SYT16: variants seen among roughly 807,000 people sequenced by gnomAD.
The protein encoded by SYT16 is synaptotagmin-16.
Under a neutral mutation model 61.4 loss-of-function variants are expected in SYT16, and 42 were observed. The ratio of observed to expected loss-of-function variants is 0.68; its 90% CI spans 0.53 to 0.89. The LOEUF (loss-of-function observed/expected upper bound fraction) is 0.89, where lower values mean the gene tolerates loss of function less well. Among genes scored for constraint, SYT16 ranks in the 40% least tolerant of loss-of-function variants. The probability of loss-of-function intolerance (pLI) is 0.00; values close to 1 mark genes in which losing one functional copy is unlikely to be tolerated. For missense variants in SYT16, 804 were observed against 807.3 expected (o/e 1.00, Z 0.05); for synonymous variants, 314 against 302.3 (o/e 1.04, Z -0.40).
At chr14:62,034,841 G>C (rs540577636) in intron 3 of SYT16, among the ~76,000 whole-genome samples, 2 of 152,090 alleles carry the variant, frequency 1.3e-5, no homozygotes, top group African/African-American at 4.8e-5. Context: ...CTTAAAATTG[G>C]TGAATTGTTA....
chr14:61,968,190 G>A (rs544422930), intron 1 of SYT16, among the ~76,000 whole-genome samples: 1 of 152,320 alleles, frequency 6.6e-6, no homozygotes, highest in East Asian at 1.9e-4. Flanking sequence ...AAACTCAGGA[G>A]GCGGAGGTTG....
chr14:61,971,352 G>T (rs2051546931), intron 2 of SYT16, among the ~76,000 whole-genome samples: 1 of 111,170 alleles, frequency 9.0e-6, no homozygotes, highest in African/African-American at 2.6e-5. Context: ...TAAGGCTGCA[G>T]TTAGAATGTC....
chr14:61,930,206 C>T (rs1048888643), intron 1 of SYT16, among the ~76,000 whole-genome samples: 2 of 152,258 alleles, frequency 1.3e-5, no homozygotes, highest in Admixed American at 6.5e-5. Flanking sequence ...CTATCTCTCA[C>T]TTCATCCATG....
intron 3 of SYT16, among the ~76,000 whole-genome samples, chr14:62,051,255 T>C (rs1385606417): frequency 6.6e-6 from 1 of 152,240 alleles, no homozygotes; most frequent in Admixed American, 6.5e-5. Context: ...TGTGTCGGCT[T>C]AGGACCCTCC....
At chr14:62,044,771 G>T (rs966559647) in intron 3 of SYT16, among the ~76,000 whole-genome samples, 2 of 152,030 alleles carry the variant, frequency 1.3e-5, no homozygotes, top group Non-Finnish European at 2.9e-5. Flanking sequence ...TTGAGTAAGT[G>T]CTGATAAGCA....
At chr14:61,818,401 C>T (rs531269527) in intron 1 of SYT16, among the ~76,000 whole-genome samples, 3 of 152,252 alleles carry the variant, frequency 2.0e-5, no homozygotes, top group African/African-American at 7.2e-5. Flanking sequence ...TGACAGCAGC[C>T]AGGCGCGGTG....
intron 2 of SYT16, among the ~76,000 whole-genome samples, chr14:61,984,776 A>G (rs934901969): frequency 2.6e-5 from 4 of 152,186 alleles, no homozygotes; most frequent in African/African-American, 9.6e-5. Context: ...CTGTATAACT[A>G]TATATAATGC....
chr14:61,820,469 G>GTTTTTTTTT lies in SYT16; in HGVS notation c.-325+7681_-325+7689dup. Among the ~76,000 whole-genome samples, 37 of 61,090 alleles carry GTTTTTTTTT rather than the reference G, an allele frequency of 6.1e-4. 8 individuals carry two copies. The highest frequency in any genetic ancestry group is 2.0e-3 in the African/African-American group (29 of 14,434). The allele number at this position is 61,090 out of a possible 152,430, so 40.1% of individuals were successfully genotyped here. ...ATATGCTTCAGGGCACCTCTTCAGA[G>GTTTTTTTTT]TTTTTTTTTTTTTTTTTTTTTTTTT... On this transcript the variant is annotated intron_variant, in intron 1 of 7. Transcript: ENST00000683842.
At chr14:61,880,098 C>T (rs929907469) in intron 1 of SYT16, among the ~76,000 whole-genome samples, 8 of 152,186 alleles carry the variant, frequency 5.3e-5, no homozygotes, top group African/African-American at 1.4e-4. Context: ...TAGTTCCCAC[C>T]AAAAGCTGCT....
intron 1 of SYT16, among the ~76,000 whole-genome samples, chr14:61,891,614 C>T (rs775936824): frequency 6.6e-6 from 1 of 152,132 alleles, no homozygotes; most frequent in Non-Finnish European, 1.5e-5. Flanking sequence ...AGAAACAAGG[C>T]AGTTTGCATC....
chr14:62,079,364 G>T, intron 5 of SYT16: 1 of 1,218,898 alleles, frequency 8.2e-7, no homozygotes, highest in Non-Finnish European at 1.1e-6. Context: ...TAAAAGAAAA[G>T]GATATTTATT....
intron 2 of SYT16, among the ~76,000 whole-genome samples, chr14:61,983,747 C>T (rs1036118448): frequency 1.3e-5 from 2 of 152,074 alleles, no homozygotes; most frequent in African/African-American, 2.4e-5. Context: ...AGGCTGGTCT[C>T]GAATTCCTGG....
At chr14:62,096,201 C>T (rs145992194) in intron 7 of SYT16, among the ~76,000 whole-genome samples, 1 of 151,922 alleles carries the variant, frequency 6.6e-6, no homozygotes, top group African/African-American at 2.4e-5. Flanking sequence ...AAAGAAGACA[C>T]CAATAAACCT....
At position 62,107,385 on chromosome 14, in the gene SYT16, A is replaced by T. The variant is rs1467579314; in HGVS notation, c.*6678A>T. The T allele has an allele frequency of 6.6e-6, 1 of 152,210 alleles. No individual in the cohort carries two copies. The highest frequency in any genetic ancestry group is 2.4e-5 in the African/African-American group (1 of 41,428). The allele number at this position is 152,210 out of a possible 1,614,324, so 9.4% of individuals were successfully genotyped here. A position where few individuals can be genotyped will look rare whatever the true frequency, so the allele number is the denominator to read the frequency against. ...GAGGTCAAGGCTGCAGTGAGCCGGG[A>T]TCATGCCACTGCATTCAGCCTGGGT... On this transcript the variant is annotated 3_prime_UTR_variant, in exon 8 of 8. Coordinates refer to ENST00000683842, the MANE Select transcript of SYT16 (RefSeq NM_001367656.1).
At chr14:62,029,696 A>C (rs1263310480) in intron 3 of SYT16, among the ~76,000 whole-genome samples, 1 of 152,022 alleles carries the variant, frequency 6.6e-6, no homozygotes, top group African/African-American at 2.4e-5. Context: ...TAGAGTAGTG[A>C]GTCAGCAGTG....
At chr14:61,905,178 C>T (rs1010009905) in intron 1 of SYT16, among the ~76,000 whole-genome samples, 1 of 152,218 alleles carries the variant, frequency 6.6e-6, no homozygotes, top group African/African-American at 2.4e-5. Context: ...CAACACAATT[C>T]TCAGATGCCT....
rs1360600696 is a variant in SYT16 at position 61,907,409 on chromosome 14, G to A, written c.-324-62723G>A. Among the ~76,000 whole-genome samples, 7 of 152,238 alleles carry A rather than the reference G, an allele frequency of 4.6e-5. No homozygotes were observed. The East Asian group carries it at 1.3e-3, about 29-fold the overall frequency. ...TAACAAATTACCCCACAAGTTGGCA[G>A]CTTAAAATAACTTTTATTATTTCAT... On this transcript the variant is annotated intron_variant, in intron 1 of 7. Transcript: ENST00000683842.
chr14:62,026,757 T>C (rs905705732), intron 3 of SYT16, among the ~76,000 whole-genome samples: 1 of 152,206 alleles, frequency 6.6e-6, no homozygotes, highest in African/African-American at 2.4e-5. Context: ...TCAGAGAATA[T>C]ATGAGAATAA....
intron 1 of SYT16, among the ~76,000 whole-genome samples, chr14:61,889,589 C>CTCTCTCT (rs1555352777): frequency 2.0e-5 from 3 of 150,726 alleles, no homozygotes; most frequent in Non-Finnish European, 4.4e-5. Flanking sequence ...GCTCTTGCTC[C>CTCTCTCT]CTCTCTCTCT....
Sources: allele counts gnomAD v4.1 joint callset (sites outside exome capture counted in the v4.1 genomes callset), GRCh38; gene constraint gnomAD v4.1.1; transcripts MANE v1.5; gene names NCBI Gene and HGNC (gene_info 2026-07-23, HGNC 2026-07-21).